NCOA2: variants seen among roughly 807,000 people sequenced by gnomAD.
NCOA2 encodes the protein class E basic helix-loop-helix protein 75.
In NCOA2, 21 loss-of-function variants were observed where a neutral mutation model predicts 145.1. That is an observed-to-expected ratio of 0.14 (90% CI 0.10 to 0.21). The LOEUF is 0.21. NCOA2 is among the 10% of genes least tolerant of loss of function. The probability of loss-of-function intolerance (pLI) is 1.00; values close to 1 mark genes in which losing one functional copy is unlikely to be tolerated. For synonymous variants in NCOA2, 619 were observed against 637.5 expected, an observed-to-expected ratio of 0.97 and a Z score of 0.44; for missense variants, 1,472 against 1,837.6, an observed-to-expected ratio of 0.80 and a Z score of 3.64.
chr8:70,452,485 A>G, the NCOA2 span, among the ~76,000 whole-genome samples: 1 of 152,166 alleles, frequency 6.6e-6, no homozygotes, highest in East Asian at 1.9e-4. Flanking sequence ...TTTATGTGAA[A>G]TGTCCAGAAT....
At chr8:70,453,493 G>A in the NCOA2 span, among the ~76,000 whole-genome samples, 6 of 152,222 alleles carry the variant, frequency 3.9e-5, no homozygotes, top group African/African-American at 1.4e-4. Flanking sequence ...TCACACTCCT[G>A]TATAGGGTAA....
intron 2 of NCOA2, among the ~76,000 whole-genome samples, chr8:70,268,958 T>C (rs963685812): frequency 3.3e-5 from 5 of 152,160 alleles, no homozygotes; most frequent in African/African-American, 9.7e-5. Context: ...TAAATATTTA[T>C]AGATTTTTCT....
Position 70,128,496 on chromosome 8 carries a change from A to T in NCOA2, c.3618T>A (p.Leu1206=), listed in dbSNP as rs1187743224. 6.2e-7 allele frequency: 1 copy of T among 1,612,838 alleles called. No individual in the cohort carries two copies. The highest frequency in any genetic ancestry group is 8.5e-7 in the Non-Finnish European group (1 of 1,179,392). The change falls in exon 18 of 23, where the codon CTT becomes CTA. Residue 1206 remains leucine (L), a synonymous_variant. Transcript: ENST00000452400. The stretch of plus-strand genomic sequence containing the variant: ...TGGAAACATTGCTGATTTGATTCAT[A>T]AGTGGCTGGCGATTCTAAATACATA... The part of the protein sequence containing the change: ...RLQAQQNRQP[L]MNQISNVSNV...
intron 15 of NCOA2, among the ~76,000 whole-genome samples, chr8:70,133,999 A>G (rs529905718): frequency 2.7e-4 from 41 of 152,206 alleles, no homozygotes; most frequent in Admixed American, 7.9e-4. Context: ...TGCATTTCTA[A>G]GGGACCCACC....
chr8:70,153,229 G>A (rs1325472185), intron 11 of NCOA2, among the ~76,000 whole-genome samples: 1 of 152,150 alleles, frequency 6.6e-6, no homozygotes, highest in African/African-American at 2.4e-5. Flanking sequence ...CTTACTATAT[G>A]TGCCTCTGTG....
chr8:70,426,234 C>T, the NCOA2 span, among the ~76,000 whole-genome samples: 1 of 152,132 alleles, frequency 6.6e-6, no homozygotes. Context: ...CTTAGAGATA[C>T]TGAACATGTT....
chr8:70,141,604 G>T (rs991440610), intron 13 of NCOA2, among the ~76,000 whole-genome samples: 2 of 152,174 alleles, frequency 1.3e-5, no homozygotes, highest in Non-Finnish European at 2.9e-5. Flanking sequence ...ACATGGACCT[G>T]CCGCTCTTTA....
At chr8:70,304,219 A>T (rs886664101) in intron 1 of NCOA2, among the ~76,000 whole-genome samples, 1 of 152,228 alleles carries the variant, frequency 6.6e-6, no homozygotes, top group Non-Finnish European at 1.5e-5. Flanking sequence ...CTGTAATATT[A>T]TAATACCATA....
intron 10 of NCOA2, among the ~76,000 whole-genome samples, chr8:70,159,242 A>ATATATATATATATATATATTTTTTT: frequency 1.6e-5 from 1 of 61,074 alleles, no homozygotes; most frequent in African/African-American, 5.4e-5. Context: ...ATATATATAT[A>ATATATATATATATATATATTTTTTT]TTTTTTTTTT....
At chr8:70,363,739 T>A (rs910325019) in intron 1 of NCOA2, among the ~76,000 whole-genome samples, 2 of 152,080 alleles carry the variant, frequency 1.3e-5, no homozygotes, top group African/African-American at 4.8e-5. Flanking sequence ...GAACTGAGGG[T>A]AGGGTTGGCA....
chr8:70,435,207 C>T, the NCOA2 span, among the ~76,000 whole-genome samples: 2 of 151,434 alleles, frequency 1.3e-5, no homozygotes, highest in Admixed American at 6.6e-5. Context: ...GGGCGGATCA[C>T]GAGGTCAGGA....
At chr8:70,162,575 T>C (rs1341172644) in intron 9 of NCOA2, 136 bp downstream of exon 9, 11 of 829,632 alleles carry the variant, frequency 1.3e-5, no homozygotes, top group Non-Finnish European at 1.8e-5. Flanking sequence ...TTCCTTTAGA[T>C]GGCAACACTG....
At chr8:70,374,846 A>T (rs1811534278) in intron 1 of NCOA2, among the ~76,000 whole-genome samples, 1 of 151,170 alleles carries the variant, frequency 6.6e-6, no homozygotes, top group African/African-American at 2.4e-5. Context: ...CCGATACGTT[A>T]AAAAAAAGTC....
intron 4 of NCOA2, 121 bp from the exon 5 acceptor site, chr8:70,174,980 G>C (rs372264634): frequency 4.7e-6 from 4 of 856,908 alleles, no homozygotes; most frequent in Non-Finnish European, 5.7e-6. Context: ...AGCTACAAAA[G>C]AGTTACAGTA....
At chr8:70,257,103 G>A (rs1324079320) in intron 2 of NCOA2, among the ~76,000 whole-genome samples, 2 of 152,214 alleles carry the variant, frequency 1.3e-5, no homozygotes, top group South Asian at 4.1e-4. Flanking sequence ...AGGGCTCAGA[G>A]AGAGGTCTGG....
intron 22 of NCOA2, among the ~76,000 whole-genome samples, chr8:70,120,019 G>A (rs1455793168): frequency 6.6e-6 from 1 of 152,016 alleles, no homozygotes; most frequent in Non-Finnish European, 1.5e-5. Context: ...ACAGGCACGT[G>A]CCACCACACC....
chr8:70,323,286 A>T (rs1200914397), intron 1 of NCOA2, among the ~76,000 whole-genome samples: 1 of 152,234 alleles, frequency 6.6e-6, no homozygotes, highest in African/African-American at 2.4e-5. Flanking sequence ...TTAAAAGAAA[A>T]TGTAGTATGT....
intron 1 of NCOA2, among the ~76,000 whole-genome samples, chr8:70,351,852 G>T (rs1809277039): frequency 6.6e-6 from 1 of 151,208 alleles, no homozygotes; most frequent in African/African-American, 2.4e-5. Context: ...CAAAGTGCTA[G>T]GACTACAGGT....
chr8:70,328,457 T>C (rs1806791262), intron 1 of NCOA2, among the ~76,000 whole-genome samples: 1 of 152,242 alleles, frequency 6.6e-6, no homozygotes, highest in Admixed American at 6.5e-5. Flanking sequence ...ATTCTTTGAA[T>C]AGACATTTAC....
Sources: gnomAD v4.1 joint callset for allele counts (sites outside exome capture counted in the v4.1 genomes callset) on GRCh38, gnomAD v4.1.1 for gene constraint, MANE v1.5 for transcripts, NCBI Gene and HGNC (gene_info 2026-07-23, HGNC 2026-07-21) for gene names.